Variants in NRXN1 observed in about 807,000 individuals in gnomAD.
NRXN1 encodes neurexin 1.
Under a neutral mutation model 150.9 loss-of-function variants are expected in NRXN1, and 39 were observed. That is an observed-to-expected ratio of 0.26 (90% CI 0.20 to 0.34). NRXN1 has a LOEUF of 0.34. Among genes scored for constraint, NRXN1 ranks in the 10% least tolerant of loss-of-function variants. The pLI is 1.00. For synonymous variants in NRXN1, 924 were observed against 757.0 expected (o/e 1.22, Z -3.62); for missense variants, 1,815 against 1,949.9 (o/e 0.93, Z 1.30).
At chr2:50,433,652 G>C (rs1309413683) in intron 17 of NRXN1, among the ~76,000 whole-genome samples, 1 of 142,994 alleles carries the variant, frequency 7.0e-6, no homozygotes, top group African/African-American at 2.6e-5. Flanking sequence ...ATTCAAAAAT[G>C]AAAGAGAAAC....
At chr2:50,152,741 T>C (rs1349770419) in intron 18 of NRXN1, among the ~76,000 whole-genome samples, 1 of 151,830 alleles carries the variant, frequency 6.6e-6, no homozygotes, top group East Asian at 1.9e-4. Flanking sequence ...TCTCTCTCAC[T>C]ACTTTTAAGA....
chr2:50,911,433 G>C (rs1184713799), intron 5 of NRXN1, among the ~76,000 whole-genome samples: 3 of 150,990 alleles, frequency 2.0e-5, no homozygotes, highest in Non-Finnish European at 4.4e-5. Context: ...CTATACCTGA[G>C]TCTGTCATTT....
intron 18 of NRXN1, among the ~76,000 whole-genome samples, chr2:50,142,156 A>G (rs1195622412): frequency 6.6e-6 from 1 of 152,072 alleles, no homozygotes; most frequent in Non-Finnish European, 1.5e-5. Flanking sequence ...TTTTGCAGCA[A>G]CATGAATGAA....
intron 2 of NRXN1, among the ~76,000 whole-genome samples, chr2:51,017,370 C>T (rs1668849304): frequency 6.7e-6 from 1 of 149,310 alleles, no homozygotes; most frequent in African/African-American, 2.5e-5. Flanking sequence ...GGGTCTTGCT[C>T]GGTTGCTCAG....
chr2:50,139,270 G>T (rs1270062905), intron 18 of NRXN1, among the ~76,000 whole-genome samples: 1 of 143,256 alleles, frequency 7.0e-6, no homozygotes, highest in Non-Finnish European at 1.5e-5. Flanking sequence ...AGGTTGCAGT[G>T]ATCTGAGATT....
intron 2 of NRXN1, among the ~76,000 whole-genome samples, chr2:50,959,711 T>C (rs947311573): frequency 2.6e-5 from 4 of 152,064 alleles, no homozygotes; most frequent in Non-Finnish European, 5.9e-5. Context: ...CACTGAATTG[T>C]ACACTTTAAT....
intron 18 of NRXN1, among the ~76,000 whole-genome samples, chr2:50,208,766 G>A (rs978795564): frequency 1.3e-5 from 2 of 152,028 alleles, no homozygotes; most frequent in African/African-American, 4.8e-5. Flanking sequence ...AATAACACGA[G>A]TCCTTTAAGT....
At chr2:50,078,630 T>C (rs987181299) in intron 19 of NRXN1, among the ~76,000 whole-genome samples, 3 of 152,118 alleles carry the variant, frequency 2.0e-5, no homozygotes, top group African/African-American at 7.2e-5. Context: ...GTGTCTTTTT[T>C]TGTAATTCGT....
chr2:50,930,726 T>C (rs1558440838), intron 2 of NRXN1, among the ~76,000 whole-genome samples: 1 of 152,162 alleles, frequency 6.6e-6, no homozygotes. Context: ...AAGCACAGTC[T>C]ACAGTATGTG....
At chr2:50,901,263 C>T (rs560525531) in intron 5 of NRXN1, among the ~76,000 whole-genome samples, 123 of 152,114 alleles carry the variant, frequency 8.1e-4, no homozygotes, top group African/African-American at 2.8e-3. Flanking sequence ...AGGCTGGGCA[C>T]GGTGGCTCAC....
At chr2:50,776,714 A>G (rs182262429) in intron 5 of NRXN1, among the ~76,000 whole-genome samples, 1 of 151,902 alleles carries the variant, frequency 6.6e-6, no homozygotes. Flanking sequence ...TTTCATTTAG[A>G]TTAGTATGAA....
intron 5 of NRXN1, among the ~76,000 whole-genome samples, chr2:50,855,945 C>T (rs550481641): frequency 9.2e-5 from 14 of 151,598 alleles, no homozygotes; most frequent in African/African-American, 2.2e-4. Context: ...GAATCTATAC[C>T]GCCTTCCCTT....
intron 5 of NRXN1, among the ~76,000 whole-genome samples, chr2:50,653,023 G>A (rs1046381674): frequency 1.4e-4 from 22 of 151,790 alleles, no homozygotes; most frequent in African/African-American, 5.3e-4. Context: ...CTTTTGTAAT[G>A]TCCCCTTTTT....
At chr2:50,131,673 T>C (rs1236385815) in intron 18 of NRXN1, among the ~76,000 whole-genome samples, 1 of 152,228 alleles carries the variant, frequency 6.6e-6, no homozygotes. Context: ...TTCAGCTATT[T>C]ACATTTTGCT....
intron 5 of NRXN1, among the ~76,000 whole-genome samples, chr2:50,829,097 C>T: frequency 6.6e-6 from 1 of 151,884 alleles, no homozygotes; most frequent in Non-Finnish European, 1.5e-5. Context: ...GGCGTGGTGG[C>T]ACGTGCCTGC....
intron 17 of NRXN1, among the ~76,000 whole-genome samples, chr2:50,427,583 A>C (rs554646586): frequency 1.3e-5 from 2 of 152,192 alleles, no homozygotes; most frequent in Admixed American, 1.3e-4. Context: ...TGTGACTGCT[A>C]TCTTCCTCTT....
rs140022240 is a variant in NRXN1, at chr2:49,959,563, T to C, written c.4129-15772A>G. On this transcript the variant is annotated intron_variant, in intron 21 of 22. Coordinates refer to ENST00000401669, the MANE Select transcript of NRXN1 (RefSeq NM_001330078.2). The stretch of plus-strand genomic sequence containing the variant: ...TTTCCAGTGATCTGCTGCATGGGCA[T>C]TGGAGTCAGACTTACCCAAGTTTAA... Among the ~76,000 whole-genome samples the C allele has an allele frequency of 1.9e-3, 285 of 152,336 alleles. 1 individual carries two copies. Among genetic ancestry groups the C allele is most frequent in the African/African-American group, 5.8e-3 (242 of 41,580 alleles).
intron 18 of NRXN1, among the ~76,000 whole-genome samples, chr2:50,109,412 A>C (rs898429425): frequency 1.3e-5 from 2 of 152,112 alleles, no homozygotes; most frequent in African/African-American, 4.8e-5. Context: ...AATTTGTGAT[A>C]ATCACTGCTC....
In NRXN1 at chr2:50,670,775, G is replaced by A. The variant is rs546549652; in HGVS notation, c.833-47160C>T. On this transcript the variant is annotated intron_variant, in intron 5 of 22. Coordinates refer to ENST00000401669, the MANE Select transcript of NRXN1 (RefSeq NM_001330078.2). Reference sequence around the variant, plus strand: ...ATTTTGTAGAATGTGCTGCTGTTTAGGTTTGTCTGATATTTTCTCATTATT... The same window carrying A: ...ATTTTGTAGAATGTGCTGCTGTTTAAGTTTGTCTGATATTTTCTCATTATT... Among the ~76,000 whole-genome samples the A allele has an allele frequency of 1.1e-3, 166 of 151,912 alleles. 1 individual carries two copies. Among genetic ancestry groups the A allele is most frequent in the Non-Finnish European group, 1.9e-3 (127 of 67,854 alleles).
Sources: gnomAD v4.1 joint callset for allele counts (sites outside exome capture counted in the v4.1 genomes callset) on GRCh38, gnomAD v4.1.1 for gene constraint, MANE v1.5 for transcripts, NCBI Gene and HGNC (gene_info 2026-07-23, HGNC 2026-07-21) for gene names.